Variants in TMEM243 observed in about 807,000 individuals in gnomAD.
TMEM243 encodes the protein transmembrane protein 243.
A neutral mutation model predicts 15.0 loss-of-function variants in TMEM243; 20 were observed. The ratio of observed to expected loss-of-function variants is 1.33; its 90% CI spans 0.94 to 1.93. The LOEUF (loss-of-function observed/expected upper bound fraction) is 1.93. TMEM243 is among the 30% of genes most tolerant of loss of function. TMEM243 has a pLI of 0.00. For synonymous variants in TMEM243, 72 were observed against 52.7 expected (o/e 1.37, Z -1.59); for missense variants, 156 against 142.1 (o/e 1.10, Z -0.50).
intron 3 of TMEM243, among the ~76,000 whole-genome samples, chr7:87,197,025 T>A (rs1339262695): frequency 2.0e-5 from 3 of 152,080 alleles, no homozygotes; most frequent in Non-Finnish European, 2.9e-5. Flanking sequence ...TGGCAAGCTA[T>A]CCAAGAACAT....
intron 1 of TMEM243, among the ~76,000 whole-genome samples, chr7:87,208,353 C>CT (rs1407582979): frequency 1.3e-5 from 2 of 152,172 alleles, no homozygotes; most frequent in Admixed American, 6.5e-5. Context: ...AACAAAGGGG[C>CT]TACAGGCCCC....
At position 87,209,483 on chromosome 7, in the gene TMEM243, A is replaced by G. The variant is rs1802465531; in HGVS notation, c.78+9943T>C. Among the ~76,000 whole-genome samples, 5 of 136,352 alleles carry G rather than the reference A, an allele frequency of 3.7e-5. No homozygotes were observed. The South Asian group carries it at 1.1e-3, about 30-fold the overall frequency. The allele number at this position is 136,352 out of a possible 152,430, so 89.5% of individuals were successfully genotyped here. On this transcript the variant is annotated intron_variant, in intron 1 of 3. Coordinates refer to ENST00000257637, the MANE Select transcript of TMEM243 (RefSeq NM_024315.4). ...GACAGAGTGAGACAGAGAGTGAGAT[A>G]GTGAGAGAGAGAGAGAGAGAGTGAG...
chr7:87,219,658 C>A lies in TMEM243; in HGVS notation c.-155G>T. 1.5e-6 allele frequency: 1 copy of A among 655,688 alleles called. No homozygotes were observed. Among genetic ancestry groups the A allele is most frequent in the Non-Finnish European group, 2.7e-6 (1 of 374,214 alleles). 40.6% of individuals were successfully genotyped at this position (655,688 alleles called of 1,614,324 possible). ...CGCTGGCGCCAGGGATGGGTGGGGG[C>A]TCACACGCGGGGAACGCGACTGCTC... On this transcript the variant is annotated 5_prime_UTR_variant, in exon 1 of 4. Transcript: ENST00000257637.
intron 3 of TMEM243, 99 bp downstream of exon 3, chr7:87,197,842 G>A: frequency 1.3e-6 from 2 of 1,583,696 alleles, no homozygotes; most frequent in Non-Finnish European, 1.7e-6. Context: ...ATATAATTAA[G>A]AGATACCCTT....
chr7:87,203,642 T>A (rs1000754179), intron 1 of TMEM243, among the ~76,000 whole-genome samples: 1 of 151,904 alleles, frequency 6.6e-6, no homozygotes, highest in Non-Finnish European at 1.5e-5. Context: ...AAAAAACATT[T>A]CTCATTTAAA....
intron 1 of TMEM243, among the ~76,000 whole-genome samples, chr7:87,199,836 T>C (rs759230159): frequency 6.6e-6 from 1 of 152,134 alleles, no homozygotes; most frequent in Non-Finnish European, 1.5e-5. Context: ...GATTCCTAAA[T>C]CCAGGTCACT....
rs1368260687 is a variant in TMEM243 at position 87,219,682 on chromosome 7, T to G, written c.-179A>C. ...GCTCACACGCGGGGAACGCGACTGC[T>G]CCGCCCCGGCCCCGCGCACCTCCTC... On this transcript the variant is annotated 5_prime_UTR_variant, in exon 1 of 4. Transcript: ENST00000257637. 1.2e-5 allele frequency: 7 copies of G among 608,008 alleles called. No individual in the cohort carries two copies. Among genetic ancestry groups the G allele is most frequent in the Non-Finnish European group, 2.0e-5 (7 of 342,724 alleles). 37.7% of individuals were successfully genotyped at this position (608,008 alleles called of 1,614,324 possible).
Position 87,207,552 on chromosome 7 carries a change from C to T in TMEM243, c.79-8495G>A, listed in dbSNP as rs1316491666. ...CGGAGCTTGCAGTGAGCCGAGATTG[C>T]GCCACTGCACTCCCACCTGGGCCAC... On this transcript the variant is annotated intron_variant, in intron 1 of 3. Coordinates refer to ENST00000257637, the MANE Select transcript of TMEM243 (RefSeq NM_024315.4). Among the ~76,000 whole-genome samples the T allele has an allele frequency of 1.3e-3, 166 of 128,494 alleles. 70 individuals carry two copies. Among genetic ancestry groups the T allele is most frequent in the Non-Finnish European group, 2.0e-3 (121 of 59,784 alleles). 84.3% of individuals were successfully genotyped at this position (128,494 alleles called of 152,430 possible).
At chr7:87,211,876 T>C (rs1041583901) in intron 1 of TMEM243, among the ~76,000 whole-genome samples, 10 of 152,256 alleles carry the variant, frequency 6.6e-5, no homozygotes, top group Non-Finnish European at 1.2e-4. Flanking sequence ...CCATAGGTAC[T>C]ACTGCTCTGA....
At chr7:87,202,779 G>C (rs1014538207) in intron 1 of TMEM243, among the ~76,000 whole-genome samples, 3 of 152,188 alleles carry the variant, frequency 2.0e-5, no homozygotes, top group African/African-American at 4.8e-5. Flanking sequence ...TCTGCCACTA[G>C]CTAGCTTCGT....
At chr7:87,209,013 C>T (rs1335754482) in intron 1 of TMEM243, among the ~76,000 whole-genome samples, 1 of 152,228 alleles carries the variant, frequency 6.6e-6, no homozygotes, top group Non-Finnish European at 1.5e-5. Context: ...TTTCTATCCT[C>T]ACCTGGGCCT....
At chr7:87,199,611 T>TA (rs1017950325) in intron 1 of TMEM243, 3 of 152,150 alleles carry the variant, frequency 2.0e-5, no homozygotes, top group Non-Finnish European at 4.4e-5. Flanking sequence ...CCAAGTTATT[T>TA]AATAGTGAAG....
chr7:87,216,089 T>C (rs1355993866), intron 1 of TMEM243, among the ~76,000 whole-genome samples: 2 of 151,682 alleles, frequency 1.3e-5, no homozygotes, highest in African/African-American at 4.8e-5. Flanking sequence ...GCTAACACGG[T>C]GAAACCCCCA....
At chr7:87,219,898 G>C (rs1341511856), upstream of TMEM243, among the ~76,000 whole-genome samples, 1 of 152,240 alleles carries the variant, frequency 6.6e-6, no homozygotes, top group Non-Finnish European at 1.5e-5. Flanking sequence ...GCAAATCGCA[G>C]TCCCCTCGCC....
chr7:87,197,662 C>A (rs975713566), intron 3 of TMEM243: 6 of 1,211,536 alleles, frequency 5.0e-6, no homozygotes, highest in Non-Finnish European at 6.5e-6. Flanking sequence ...AAATTAAAAT[C>A]TTTGGCCACC....
At position 87,197,688 on chromosome 7, in the gene TMEM243, ATTTTTTTTTTTTTT is replaced by A. The variant is rs71906317; in HGVS notation, c.234+239_234+252del. ...TTTGGCCACCTACGTCTTTCCACTA[ATTTTTTTTTTTTTT>A]TTTTTTTTTTTTTTAAGCTATCAAG... On this transcript the variant is annotated intron_variant, in intron 3 of 3. Coordinates refer to ENST00000257637, the MANE Select transcript of TMEM243 (RefSeq NM_024315.4). 11 of 982,100 alleles carry A rather than the reference ATTTTTTTTTTTTTT, an allele frequency of 1.1e-5. No individual in the cohort carries two copies. In the Admixed American group the frequency reaches 3.9e-4, roughly 35 times the overall value. 60.8% of individuals were successfully genotyped at this position (982,100 alleles called of 1,614,324 possible).
In TMEM243 at chr7:87,199,237, CTT is replaced by C. The variant is rs1178647862; in HGVS notation, c.79-182_79-181del. ...CTGAACCATAAGAGTGGAAAATGTA[CTT>C]TGGGAAAATGGCCAACTGGGGAAGG... On this transcript the variant is annotated intron_variant, in intron 1 of 3. Transcript: ENST00000257637. 1.8e-5 allele frequency: 9 copies of C among 487,834 alleles called. No homozygotes were observed. In the East Asian group the frequency reaches 2.7e-4, roughly 15 times the overall value. 30.2% of individuals were successfully genotyped at this position (487,834 alleles called of 1,614,324 possible). A position where few individuals can be genotyped will look rare whatever the true frequency, so the allele number is the denominator to read the frequency against.
intron 1 of TMEM243, among the ~76,000 whole-genome samples, chr7:87,210,238 G>T (rs1423289119): frequency 6.6e-6 from 1 of 152,056 alleles, no homozygotes; most frequent in Non-Finnish European, 1.5e-5. Flanking sequence ...AACATGTGGA[G>T]ATTACAATTT....
At chr7:87,201,567 A>C (rs1801811545) in intron 1 of TMEM243, among the ~76,000 whole-genome samples, 1 of 152,202 alleles carries the variant, frequency 6.6e-6, no homozygotes, top group African/African-American at 2.4e-5. Context: ...CCCAATCTCC[A>C]AAGAGGATAA....
Sources: allele counts gnomAD v4.1 joint callset (sites outside exome capture counted in the v4.1 genomes callset), GRCh38; gene constraint gnomAD v4.1.1; transcripts MANE v1.5; gene names NCBI Gene and HGNC (gene_info 2026-07-23, HGNC 2026-07-21).